The following RNASEH2B variants were observed in gnomAD, a reference collection of about 807,000 sequenced individuals.
RNASEH2B encodes the protein ribonuclease H2 subunit B.
A neutral mutation model predicts 45.0 loss-of-function variants in RNASEH2B; 36 were observed. The ratio of observed to expected loss-of-function variants is 0.80; its 90% CI spans 0.61 to 1.06. The LOEUF is 1.06. Ranked by LOEUF, RNASEH2B falls within the 50% of genes least tolerant of loss-of-function variation. The probability of loss-of-function intolerance (pLI) is 0.00; values close to 1 mark genes in which losing one functional copy is unlikely to be tolerated. For missense variants in RNASEH2B, 361 were observed against 360.3 expected (o/e 1.00, Z -0.02); for synonymous variants, 119 against 125.7 (o/e 0.95, Z 0.35).
intron 6 of RNASEH2B, 152 bp downstream of exon 6, chr13:50,943,546 G>T: frequency 3.0e-6 from 2 of 666,914 alleles, no homozygotes; most frequent in South Asian, 1.7e-5. Flanking sequence ...TGAGAAGAAG[G>T]CTTTGACTTT....
downstream of RNASEH2B, among the ~76,000 whole-genome samples, chr13:50,958,423 G>A (rs1301192433): frequency 2.0e-5 from 3 of 151,974 alleles, no homozygotes; most frequent in Admixed American, 2.0e-4. Flanking sequence ...TTATTTCTGG[G>A]TTCTCTATTC....
chr13:50,921,797 T>G (rs1951527224), intron 1 of RNASEH2B, among the ~76,000 whole-genome samples: 1 of 152,116 alleles, frequency 6.6e-6, no homozygotes, highest in Non-Finnish European at 1.5e-5. Context: ...CTTCCAATAG[T>G]TTGAGAAGTG....
At chr13:50,970,156 C>A in exon 10 of RNASEH2B, 1 of 658,618 alleles carries the variant, frequency 1.5e-6, no homozygotes, top group Non-Finnish European at 2.7e-6. Flanking sequence ...GCATTCCTCC[C>A]TGGAGCACTC....
chr13:50,936,811 A>G (rs1951757743), intron 5 of RNASEH2B: 1 of 152,212 alleles, frequency 6.6e-6, no homozygotes, highest in Non-Finnish European at 1.5e-5. Context: ...GTTTCCTTAC[A>G]GTCTGCAGCC....
chr13:50,918,099 C>G (rs1212576674), intron 1 of RNASEH2B, among the ~76,000 whole-genome samples: 6 of 152,076 alleles, frequency 3.9e-5, no homozygotes, highest in Non-Finnish European at 7.4e-5. Context: ...ATTTTGTCTT[C>G]TATGGTCCTG....
intron 4 of RNASEH2B, among the ~76,000 whole-genome samples, chr13:50,933,718 A>G (rs1230547977): frequency 6.6e-6 from 1 of 152,216 alleles, no homozygotes; most frequent in East Asian, 1.9e-4. Context: ...AAATTATTTT[A>G]TATCATGATT....
At chr13:50,950,677 C>T (rs1479009157) in intron 9 of RNASEH2B, 1 of 152,320 alleles carries the variant, frequency 6.6e-6, no homozygotes, top group Admixed American at 6.5e-5. Context: ...AAAAATGAAG[C>T]AGATTTTTTT....
chr13:50,929,847 T>C (rs1450909769), intron 3 of RNASEH2B, among the ~76,000 whole-genome samples: 2 of 152,212 alleles, frequency 1.3e-5, no homozygotes, highest in East Asian at 3.8e-4. Flanking sequence ...CATCCTGAGT[T>C]AGAAGTTAGA....
At chr13:50,932,640 A>G (rs1341910539) in intron 4 of RNASEH2B, among the ~76,000 whole-genome samples, 1 of 152,204 alleles carries the variant, frequency 6.6e-6, no homozygotes, top group Non-Finnish European at 1.5e-5. Flanking sequence ...GAGCTTAGGT[A>G]CTTCATGACC....
At chr13:50,918,899 T>C (rs1261464483) in intron 1 of RNASEH2B, among the ~76,000 whole-genome samples, 1 of 152,208 alleles carries the variant, frequency 6.6e-6, no homozygotes, top group Non-Finnish European at 1.5e-5. Context: ...GATAATCTCA[T>C]CTCTCTTTTT....
intron 4 of RNASEH2B, among the ~76,000 whole-genome samples, chr13:50,933,093 A>G (rs562690564): frequency 1.6e-4 from 25 of 152,360 alleles, no homozygotes; most frequent in Middle Eastern, 6.8e-3. Context: ...AATCACCACC[A>G]GGAACGCCCT....
chr13:50,938,974 CGAA>C (rs1951796644), intron 5 of RNASEH2B: 1 of 152,116 alleles, frequency 6.6e-6, no homozygotes, highest in Non-Finnish European at 1.5e-5. Flanking sequence ...TTTGGGAGGC[CGAA>C]GCAGGAGGAT....
chr13:50,938,892 G>A (rs1951795442), intron 5 of RNASEH2B: 1 of 152,162 alleles, frequency 6.6e-6, no homozygotes, highest in South Asian at 2.1e-4. Context: ...TACACAAACT[G>A]AATTAAAGAC....
intron 1 of RNASEH2B, among the ~76,000 whole-genome samples, chr13:50,919,142 T>G (rs2137897871): frequency 6.6e-6 from 1 of 152,284 alleles, no homozygotes; most frequent in African/African-American, 2.4e-5. Flanking sequence ...TCTTTGAACT[T>G]TAAATGCAGT....
chr13:50,943,487 A>G, intron 6 of RNASEH2B, 93 bp downstream of exon 6: 2 of 880,432 alleles, frequency 2.3e-6, no homozygotes, highest in Non-Finnish European at 3.9e-6. Context: ...TCCAGAGACC[A>G]TCTTGTATAT....
intron 9 of RNASEH2B, chr13:50,951,800 G>T (rs1593478321): frequency 6.6e-6 from 1 of 151,992 alleles, no homozygotes; most frequent in East Asian, 1.9e-4. Flanking sequence ...AGTGCACTGG[G>T]AATAACATAC....
At position 50,935,008 on chromosome 13, in the gene RNASEH2B, T is replaced by A. The variant is rs1224048281; in HGVS notation, c.436+9T>A. Reference sequence around the variant, plus strand: ...TGTGACAGAGGAAAAAGGTATGGTATAACTTAAAGGCTTATGGCTGGTAGA... The same window carrying A: ...TGTGACAGAGGAAAAAGGTATGGTAAAACTTAAAGGCTTATGGCTGGTAGA... On this transcript the variant is annotated intron_variant, in intron 5 of 10. Transcript: ENST00000336617. The A allele has an allele frequency of 6.4e-7, 1 of 1,562,196 alleles. No individual in the cohort carries two copies. Among genetic ancestry groups the A allele is most frequent in the Non-Finnish European group, 8.8e-7 (1 of 1,132,870 alleles).
At chr13:50,967,248 GCTGGAAGAAAGT>G (rs1438452463) in intron 9 of RNASEH2B, among the ~76,000 whole-genome samples, 1 of 152,156 alleles carries the variant, frequency 6.6e-6, no homozygotes, top group African/African-American at 2.4e-5. Context: ...CATGTGTTTT[GCTGGAAGAAAGT>G]CTGGAAGAAA....
intron 1 of RNASEH2B, among the ~76,000 whole-genome samples, chr13:50,919,553 TGAG>T (rs766610701): frequency 6.6e-6 from 1 of 152,180 alleles, no homozygotes; most frequent in Non-Finnish European, 1.5e-5. Context: ...TTTTTGAGGA[TGAG>T]GAGGACAGGA....
Sources: gnomAD v4.1 joint callset for allele counts (sites outside exome capture counted in the v4.1 genomes callset) on GRCh38, gnomAD v4.1.1 for gene constraint, MANE v1.5 for transcripts, NCBI Gene and HGNC (gene_info 2026-07-23, HGNC 2026-07-21) for gene names.